TMEM217: variants seen among roughly 807,000 people sequenced by gnomAD.
TMEM217 encodes the protein chromosome 6 open reading frame 128.
For missense variants in TMEM217, 204 were observed against 248.8 expected, an observed-to-expected ratio of 0.82 and a Z score of 1.21; for synonymous variants, 76 against 88.3, an observed-to-expected ratio of 0.86 and a Z score of 0.78.
At chr6:37,235,561 T>C (rs1180033808) in intron 1 of TMEM217, among the ~76,000 whole-genome samples, 1 of 152,058 alleles carries the variant, frequency 6.6e-6, no homozygotes, top group Non-Finnish European at 1.5e-5. Flanking sequence ...AGAGATGGGG[T>C]TTCACCATGT....
intron 1 of TMEM217, among the ~76,000 whole-genome samples, chr6:37,229,716 T>C (rs1266477227): frequency 6.6e-6 from 1 of 152,196 alleles, no homozygotes; most frequent in Non-Finnish European, 1.5e-5. Context: ...GTTACAGCCA[T>C]CTATAGATTT....
exon 2 of TMEM217, chr6:37,218,184 T>TTTTTTG: frequency 8.4e-7 from 1 of 1,186,202 alleles, no homozygotes; most frequent in Admixed American, 4.2e-5. Flanking sequence ...TTTTTTTTTT[T>TTTTTTG]TGGGGGACAG....
intron 1 of TMEM217, among the ~76,000 whole-genome samples, chr6:37,225,289 T>C (rs1583445325): frequency 6.6e-6 from 1 of 152,166 alleles, no homozygotes; most frequent in Middle Eastern, 3.4e-3. Flanking sequence ...GGGGCAGGGA[T>C]AGGGGCAGGG....
downstream of TMEM217, chr6:37,212,882 T>C: frequency 1.3e-6 from 2 of 1,505,216 alleles, no homozygotes; most frequent in Non-Finnish European, 1.8e-6. Context: ...CAAATGTGTG[T>C]CTTCTGGTTC....
intron 1 of TMEM217, among the ~76,000 whole-genome samples, chr6:37,243,253 G>A (rs7753853): frequency 0.066 from 10,013 of 152,208 alleles, 1,068 homozygotes; most frequent in African/African-American, 0.22. Context: ...TCTGAAACAG[G>A]GCGTTTAGTT....
At chr6:37,244,461 C>T (rs1255447109) in intron 1 of TMEM217, among the ~76,000 whole-genome samples, 5 of 152,238 alleles carry the variant, frequency 3.3e-5, no homozygotes, top group Non-Finnish European at 7.3e-5. Context: ...AATACAACTG[C>T]CTCCAATCCT....
chr6:37,213,117 T>C (rs1384758479), downstream of TMEM217: 1 of 705,772 alleles, frequency 1.4e-6, no homozygotes, highest in Non-Finnish European at 2.4e-6. Context: ...GGACAGGCAA[T>C]AGGCTGGAAG....
intron 1 of TMEM217, among the ~76,000 whole-genome samples, chr6:37,224,879 AT>A (rs1763733277): frequency 6.6e-6 from 1 of 152,150 alleles, no homozygotes. Context: ...ATAAAACTTT[AT>A]TATAAAAGTA....
intron 1 of TMEM217, among the ~76,000 whole-genome samples, chr6:37,254,296 C>T (rs779054880): frequency 1.3e-5 from 2 of 152,146 alleles, no homozygotes; most frequent in Non-Finnish European, 2.9e-5. Context: ...CCAAGAAGGA[C>T]CTCCATCAGA....
intron 1 of TMEM217, among the ~76,000 whole-genome samples, chr6:37,250,215 G>A (rs889019972): frequency 1.3e-5 from 2 of 151,942 alleles, no homozygotes; most frequent in Non-Finnish European, 1.5e-5. Flanking sequence ...TAAAAACAAG[G>A]GAATTATTAA....
At chr6:37,249,205 T>C (rs937890616) in intron 1 of TMEM217, among the ~76,000 whole-genome samples, 8 of 152,224 alleles carry the variant, frequency 5.3e-5, no homozygotes, top group Non-Finnish European at 1.0e-4. Flanking sequence ...ACAAATATTT[T>C]TGGGGGCCAC....
chr6:37,228,511 C>T (rs1034075707), intron 1 of TMEM217, among the ~76,000 whole-genome samples: 1 of 152,194 alleles, frequency 6.6e-6, no homozygotes, highest in African/African-American at 2.4e-5. Context: ...TGAGACCAGC[C>T]TGACCAATAT....
intron 1 of TMEM217, among the ~76,000 whole-genome samples, chr6:37,236,780 A>G (rs1033774785): frequency 1.4e-4 from 22 of 152,330 alleles, no homozygotes; most frequent in Non-Finnish European, 2.6e-4. Flanking sequence ...GACAGAGCAC[A>G]GTTAGCTTAA....
chr6:37,244,500 T>C (rs1764952793), intron 1 of TMEM217, among the ~76,000 whole-genome samples: 1 of 152,262 alleles, frequency 6.6e-6, no homozygotes, highest in South Asian at 2.1e-4. Context: ...AAGTCTCGTC[T>C]ACCTCAACTT....
intron 1 of TMEM217, among the ~76,000 whole-genome samples, chr6:37,253,724 G>C (rs1411258980): frequency 6.6e-6 from 1 of 152,086 alleles, no homozygotes; most frequent in Non-Finnish European, 1.5e-5. Context: ...GTCTGCCAGG[G>C]ATCTCTCTGT....
intron 1 of TMEM217, among the ~76,000 whole-genome samples, chr6:37,219,997 T>G (rs1244544193): frequency 1.3e-5 from 2 of 152,184 alleles, no homozygotes; most frequent in African/African-American, 4.8e-5. Flanking sequence ...AGCCCTAGGA[T>G]AGACTAGCCT....
At chr6:37,244,496 C>T (rs562603505) in intron 1 of TMEM217, among the ~76,000 whole-genome samples, 2 of 152,304 alleles carry the variant, frequency 1.3e-5, no homozygotes, top group Admixed American at 6.5e-5. Flanking sequence ...GTTGAAGTCT[C>T]GTCTACCTCA....
At chr6:37,252,631 ATATATATTTTTT>A (rs1562027868) in intron 1 of TMEM217, among the ~76,000 whole-genome samples, 2 of 77,328 alleles carry the variant, frequency 2.6e-5, no homozygotes, top group African/African-American at 1.2e-4. Context: ...ATATATATAT[ATATATATTTTTT>A]TTTTTTTTTT....
chr6:37,235,377 T>C (rs533472763), intron 1 of TMEM217, among the ~76,000 whole-genome samples: 3 of 152,260 alleles, frequency 2.0e-5, no homozygotes, highest in African/African-American at 7.2e-5. Flanking sequence ...TATTATTATT[T>C]TTTTTTGAGA....
Sources: allele counts gnomAD v4.1 joint callset (sites outside exome capture counted in the v4.1 genomes callset), GRCh38; gene constraint gnomAD v4.1.1; transcripts MANE v1.5; gene names NCBI Gene and HGNC (gene_info 2026-07-23, HGNC 2026-07-21).